Variants in PTPRD observed in about 807,000 individuals in gnomAD.
The protein encoded by PTPRD is receptor-type tyrosine-protein phosphatase delta.
A neutral mutation model predicts 214.5 loss-of-function variants in PTPRD; 34 were observed. The ratio of observed to expected loss-of-function variants is 0.16; its 90% CI spans 0.12 to 0.21. PTPRD has a LOEUF of 0.21. Among genes scored for constraint, PTPRD ranks in the 10% least tolerant of loss-of-function variants. The pLI is 1.00. For synonymous variants in PTPRD, 1,128 were observed against 845.7 expected (o/e 1.33, Z -5.79); for missense variants, 2,545 against 2,398.7 (o/e 1.06, Z -1.27).
chr9:8,540,252 T>C (rs1408240547), intron 14 of PTPRD, among the ~76,000 whole-genome samples: 1 of 152,170 alleles, frequency 6.6e-6, no homozygotes, highest in Non-Finnish European at 1.5e-5. Context: ...ACTCAAGCAT[T>C]GCTTTCCCAA....
At chr9:9,825,457 G>C (rs1033529641) in intron 5 of PTPRD, among the ~76,000 whole-genome samples, 3 of 151,486 alleles carry the variant, frequency 2.0e-5, no homozygotes, top group Non-Finnish European at 3.0e-5. Flanking sequence ...AAGAGAAAGA[G>C]AGAAAGAAAG....
intron 9 of PTPRD, among the ~76,000 whole-genome samples, chr9:9,213,514 T>C (rs983606388): frequency 2.9e-5 from 4 of 138,240 alleles, no homozygotes; most frequent in African/African-American, 7.4e-5. Context: ...GTTTTCCTGG[T>C]TTTTTGTTTG....
rs1307546833 is a variant in PTPRD, at chr9:8,355,491, G to A, written c.4662-13513C>T. On this transcript the variant is annotated intron_variant, in intron 39 of 45. Coordinates refer to ENST00000381196, the MANE Select transcript of PTPRD (RefSeq NM_002839.4). Reference sequence around the variant, plus strand: ...GAATAAATAAGAGCTAGTATTAAGTGTATTTAGAATAACCTACTGGTCATG... The same window carrying A: ...GAATAAATAAGAGCTAGTATTAAGTATATTTAGAATAACCTACTGGTCATG... Among the ~76,000 whole-genome samples, 10 of 152,198 alleles carry A rather than the reference G, an allele frequency of 6.6e-5. 1 individual carries two copies. The highest frequency in any genetic ancestry group is 5.9e-4 in the Admixed American group (9 of 15,280).
At position 9,717,631 on chromosome 9, in the gene PTPRD, TC is replaced by T. The variant is rs569901227; in HGVS notation, c.-287+16901del. Among the ~76,000 whole-genome samples the T allele has an allele frequency of 2.5e-3, 383 of 152,312 alleles. 1 individual carries two copies. The highest frequency in any genetic ancestry group is 8.3e-3 in the African/African-American group (343 of 41,574). ...TTCAAAACAAAGATGTCTTATGATT[TC>T]AGGGGAATATTTTATTACAAATATG... On this transcript the variant is annotated intron_variant, in intron 7 of 45. Transcript: ENST00000381196.
intron 8 of PTPRD, among the ~76,000 whole-genome samples, chr9:9,510,811 T>A (rs946748427): frequency 6.6e-6 from 1 of 151,670 alleles, no homozygotes; most frequent in African/African-American, 2.4e-5. Flanking sequence ...ATTTTTTCAA[T>A]TTGGAAAACA....
intron 4 of PTPRD, among the ~76,000 whole-genome samples, chr9:10,015,511 G>A (rs2096687829): frequency 6.6e-6 from 1 of 152,134 alleles, no homozygotes. Flanking sequence ...CTCTGAGGCT[G>A]TATAGGACAT....
chr9:9,851,293 C>T (rs1286967431), intron 5 of PTPRD, among the ~76,000 whole-genome samples: 1 of 152,118 alleles, frequency 6.6e-6, no homozygotes, highest in African/African-American at 2.4e-5. Flanking sequence ...TTGCTGACTG[C>T]GAGATTCAAA....
chr9:9,316,995 C>T (rs532090715), intron 9 of PTPRD, among the ~76,000 whole-genome samples: 1 of 152,250 alleles, frequency 6.6e-6, no homozygotes, highest in East Asian at 1.9e-4. Context: ...CAAAACATGG[C>T]CCTTCTCTCC....
chr9:9,746,872 G>C (rs2098463749), intron 6 of PTPRD, among the ~76,000 whole-genome samples: 1 of 145,036 alleles, frequency 6.9e-6, no homozygotes. Flanking sequence ...ACTGTCATAA[G>C]ACAAAATATA....
At chr9:9,324,959 C>G (rs1969086518) in intron 9 of PTPRD, among the ~76,000 whole-genome samples, 1 of 152,134 alleles carries the variant, frequency 6.6e-6, no homozygotes, top group Non-Finnish European at 1.5e-5. Flanking sequence ...ATCCTTTCCC[C>G]ATTTCTTGTT....
At chr9:9,801,041 TTTA>T (rs2099036403) in intron 5 of PTPRD, among the ~76,000 whole-genome samples, 2 of 152,168 alleles carry the variant, frequency 1.3e-5, no homozygotes, top group Admixed American at 1.3e-4. Context: ...TCAACTGTTA[TTTA>T]TTATTTATTT....
intron 9 of PTPRD, among the ~76,000 whole-genome samples, chr9:9,212,075 C>G (rs909303213): frequency 6.6e-6 from 1 of 151,988 alleles, no homozygotes; most frequent in Non-Finnish European, 1.5e-5. Flanking sequence ...TGGATTTTGC[C>G]TGGAAACAGA....
intron 2 of PTPRD, among the ~76,000 whole-genome samples, chr9:10,508,937 G>A (rs1433420936): frequency 6.6e-6 from 1 of 151,926 alleles, no homozygotes; most frequent in African/African-American, 2.4e-5. Context: ...AGAACTTAGA[G>A]TATAATAAAA....
chr9:8,395,632 A>T (rs1217558174), intron 36 of PTPRD, among the ~76,000 whole-genome samples: 2 of 149,964 alleles, frequency 1.3e-5, no homozygotes, highest in African/African-American at 2.4e-5. Context: ...AACACATAGA[A>T]TTTTTTTTTT....
intron 7 of PTPRD, among the ~76,000 whole-genome samples, chr9:9,696,043 C>G (rs1038112289): frequency 6.6e-6 from 1 of 151,974 alleles, no homozygotes; most frequent in Admixed American, 6.6e-5. Context: ...TGATGGGAGA[C>G]TTTTTATTAC....
At chr9:8,685,087 C>T (rs921173538) in intron 12 of PTPRD, among the ~76,000 whole-genome samples, 1 of 152,086 alleles carries the variant, frequency 6.6e-6, no homozygotes, top group African/African-American at 2.4e-5. Flanking sequence ...AACAGCATTA[C>T]ATTGTTATTC....
intron 10 of PTPRD, among the ~76,000 whole-genome samples, chr9:9,144,994 A>T (rs2099866325): frequency 6.6e-6 from 1 of 152,236 alleles, no homozygotes; most frequent in African/African-American, 2.4e-5. Flanking sequence ...GCAACTTTTA[A>T]ACAAATATCA....
chr9:9,174,176 T>C (rs1003022357), intron 10 of PTPRD, among the ~76,000 whole-genome samples: 1 of 152,182 alleles, frequency 6.6e-6, no homozygotes, highest in African/African-American at 2.4e-5. Context: ...AAAATCGTTA[T>C]ATAGAATACT....
chr9:8,549,591 T>C (rs1464558577), intron 14 of PTPRD, among the ~76,000 whole-genome samples: 1 of 152,202 alleles, frequency 6.6e-6, no homozygotes, highest in Non-Finnish European at 1.5e-5. Context: ...ATTGTAGATT[T>C]TAAACATAGA....
Sources: gnomAD v4.1 joint callset for allele counts (sites outside exome capture counted in the v4.1 genomes callset) on GRCh38, gnomAD v4.1.1 for gene constraint, MANE v1.5 for transcripts, NCBI Gene and HGNC (gene_info 2026-07-23, HGNC 2026-07-21) for gene names.